The following TAFA2 variants were observed in gnomAD, a reference collection of about 807,000 sequenced individuals.
TAFA2 encodes the protein TAFA chemokine like family member 2, also known as chemokine-like protein TAFA-2.
Under a neutral mutation model 18.8 loss-of-function variants are expected in TAFA2, and 7 were observed. The ratio of observed to expected loss-of-function variants is 0.37; its 90% CI spans 0.21 to 0.70. TAFA2 has a LOEUF of 0.70. Ranked by LOEUF, TAFA2 falls within the 30% of genes least tolerant of loss-of-function variation. TAFA2 has a pLI of 0.53. For synonymous variants in TAFA2, 60 were observed against 54.2 expected (o/e 1.11, Z -0.47); for missense variants, 122 against 158.1 (o/e 0.77, Z 1.23).
intron 4 of TAFA2, among the ~76,000 whole-genome samples, chr12:61,720,437 C>T (rs1021389530): frequency 2.0e-5 from 3 of 152,142 alleles, no homozygotes; most frequent in Admixed American, 2.0e-4. Context: ...AACATAATGG[C>T]TCTTTGTGGC....
intron 2 of TAFA2, among the ~76,000 whole-genome samples, chr12:61,755,791 T>C (rs761291946): frequency 6.6e-6 from 1 of 152,202 alleles, no homozygotes; most frequent in East Asian, 1.9e-4. Context: ...TTAATGAAAA[T>C]TTTGGACCTT....
At chr12:62,137,715 G>C (rs1341327967) in intron 1 of TAFA2, among the ~76,000 whole-genome samples, 1 of 151,926 alleles carries the variant, frequency 6.6e-6, no homozygotes, top group African/African-American at 2.4e-5. Flanking sequence ...TATTGTAATG[G>C]CCTCCTCACT....
chr12:61,776,016 C>A (rs374826246), intron 2 of TAFA2: 27 of 352,348 alleles, frequency 7.7e-5, no homozygotes, highest in Admixed American at 2.3e-4. Context: ...CACACACATG[C>A]GAATCTATAA....
intron 1 of TAFA2, among the ~76,000 whole-genome samples, chr12:62,215,304 A>C (rs1017463138): frequency 5.3e-5 from 8 of 152,178 alleles, no homozygotes; most frequent in African/African-American, 1.9e-4. Context: ...TCTTATCTCT[A>C]AATCATTTGA....
At chr12:61,977,266 G>A (rs1159750501) in intron 1 of TAFA2, among the ~76,000 whole-genome samples, 1 of 151,936 alleles carries the variant, frequency 6.6e-6, no homozygotes. Flanking sequence ...CCATTTAGCA[G>A]GATCTTTGGA....
At chr12:62,163,960 T>C (rs1040043620) in intron 1 of TAFA2, among the ~76,000 whole-genome samples, 1 of 152,142 alleles carries the variant, frequency 6.6e-6, no homozygotes, top group South Asian at 2.1e-4. Flanking sequence ...AGGACTTTAT[T>C]AAAAGGATTT....
intron 2 of TAFA2, among the ~76,000 whole-genome samples, chr12:61,822,623 AT>A (rs1466816909): frequency 6.6e-6 from 1 of 152,000 alleles, no homozygotes; most frequent in Admixed American, 6.6e-5. Flanking sequence ...CACAGGAATT[AT>A]TTTTTTCCCA....
intron 2 of TAFA2, among the ~76,000 whole-genome samples, chr12:61,811,447 C>T (rs901282022): frequency 6.0e-5 from 9 of 151,182 alleles, no homozygotes; most frequent in African/African-American, 1.7e-4. Context: ...TGTAAGTTCA[C>T]GGTTCATTAA....
chr12:62,202,836 T>C (rs1301284027), intron 1 of TAFA2, among the ~76,000 whole-genome samples: 1 of 142,234 alleles, frequency 7.0e-6, no homozygotes, highest in Non-Finnish European at 1.5e-5. Flanking sequence ...TTTTTTTTTT[T>C]TTTTTTTTTT....
At chr12:61,772,622 G>A (rs1027658111) in intron 2 of TAFA2, among the ~76,000 whole-genome samples, 18 of 151,760 alleles carry the variant, frequency 1.2e-4, no homozygotes, top group African/African-American at 4.1e-4. Flanking sequence ...CATAATCATC[G>A]CAATAGATTC....
At chr12:62,133,624 A>C (rs1870777847) in intron 1 of TAFA2, among the ~76,000 whole-genome samples, 1 of 152,068 alleles carries the variant, frequency 6.6e-6, no homozygotes, top group African/African-American at 2.4e-5. Flanking sequence ...CTTACAAATG[A>C]AAGTTCTCTT....
chr12:62,124,648 C>T (rs1260245648), intron 1 of TAFA2, among the ~76,000 whole-genome samples: 1 of 152,064 alleles, frequency 6.6e-6, no homozygotes, highest in Non-Finnish European at 1.5e-5. Flanking sequence ...GATCTAAGAC[C>T]TTTAAAAATT....
At chr12:62,061,314 T>G (rs569563748) in intron 1 of TAFA2, among the ~76,000 whole-genome samples, 1 of 152,352 alleles carries the variant, frequency 6.6e-6, no homozygotes, top group African/African-American at 2.4e-5. Flanking sequence ...TTTTAATATT[T>G]TAAATTCACT....
chr12:62,193,147 G>A (rs757340502), upstream of TAFA2, among the ~76,000 whole-genome samples: 9 of 152,092 alleles, frequency 5.9e-5, no homozygotes, highest in Non-Finnish European at 8.8e-5. Flanking sequence ...GGTCTTCTGA[G>A]GCTCACTTCG....
chr12:61,894,368 C>T (rs1424270107), intron 1 of TAFA2, among the ~76,000 whole-genome samples: 2 of 152,146 alleles, frequency 1.3e-5, no homozygotes, highest in Non-Finnish European at 2.9e-5. Context: ...GGGAACCAAC[C>T]TTTGGACCTC....
rs968874084 is a variant in TAFA2, at chr12:61,832,812, C to T, written c.106+34508G>A. Among the ~76,000 whole-genome samples the T allele has an allele frequency of 2.0e-5, 3 of 151,768 alleles. 1 individual carries two copies. The South Asian group carries it at 6.2e-4, about 31-fold the overall frequency. On this transcript the variant is annotated intron_variant, in intron 2 of 4. Transcript: ENST00000416284. ...AAAATCCTTATTGGATTTCTCATTTCCTCTAGCAAACTCTTAAAAGAAGGT... is the reference window on the plus strand; with the variant it reads ...AAAATCCTTATTGGATTTCTCATTTTCTCTAGCAAACTCTTAAAAGAAGGT...
At chr12:61,984,427 G>A (rs1224834687) in intron 1 of TAFA2, among the ~76,000 whole-genome samples, 2 of 152,158 alleles carry the variant, frequency 1.3e-5, no homozygotes, top group African/African-American at 4.8e-5. Context: ...CAAAAGATGG[G>A]GCTTGATTAT....
chr12:61,918,013 A>G (rs12298773), intron 1 of TAFA2, among the ~76,000 whole-genome samples: 1 of 148,656 alleles, frequency 6.7e-6, no homozygotes, highest in Non-Finnish European at 1.5e-5. Context: ...ATGCTTATTT[A>G]TTTTTTTTTT....
At chr12:61,953,587 A>T (rs1427034977) in intron 1 of TAFA2, among the ~76,000 whole-genome samples, 1 of 12,548 alleles carries the variant, frequency 8.0e-5, no homozygotes, top group Non-Finnish European at 4.9e-4. Flanking sequence ...TTTAACCTAT[A>T]CAAAAAAAAA....
Sources: gnomAD v4.1 joint callset for allele counts (sites outside exome capture counted in the v4.1 genomes callset) on GRCh38, gnomAD v4.1.1 for gene constraint, MANE v1.5 for transcripts, NCBI Gene and HGNC (gene_info 2026-07-23, HGNC 2026-07-21) for gene names.